Variants in PLCL1 observed in about 807,000 individuals in gnomAD.
PLCL1 encodes the protein phospholipase C like 1 (inactive), also known as inactive phospholipase C-like protein 1.
In PLCL1, 41 loss-of-function variants were observed where a neutral mutation model predicts 84.4. The observed-to-expected ratio is 0.49, with a 90% CI of 0.38 to 0.63. The LOEUF is 0.63. Ranked by LOEUF, PLCL1 falls within the 30% of genes least tolerant of loss-of-function variation. The pLI, the probability that PLCL1 is intolerant of heterozygous loss-of-function variation, is 0.00. For missense variants in PLCL1, 1,206 were observed against 1,367.8 expected, an observed-to-expected ratio of 0.88 and a Z score of 1.87; for synonymous variants, 490 against 488.3, an observed-to-expected ratio of 1.00 and a Z score of -0.05.
At chr2:198,057,452 G>T (rs1397110405) in intron 1 of PLCL1, among the ~76,000 whole-genome samples, 1 of 152,030 alleles carries the variant, frequency 6.6e-6, no homozygotes, top group Admixed American at 6.6e-5. Flanking sequence ...TTTAAGGCAG[G>T]TATTGTCATG....
At chr2:197,808,841 T>C (rs1690531516) in intron 1 of PLCL1, among the ~76,000 whole-genome samples, 1 of 152,204 alleles carries the variant, frequency 6.6e-6, no homozygotes, top group Non-Finnish European at 1.5e-5. Flanking sequence ...GGGTTCTACT[T>C]TTTTTCAACT....
intron 1 of PLCL1, among the ~76,000 whole-genome samples, chr2:198,017,592 A>G (rs1400935975): frequency 1.3e-5 from 2 of 152,236 alleles, no homozygotes; most frequent in Non-Finnish European, 2.9e-5. Flanking sequence ...CTAACATAGC[A>G]TAAAGATTTG....
chr2:198,037,673 T>C (rs1332656910), intron 1 of PLCL1, among the ~76,000 whole-genome samples: 4 of 152,204 alleles, frequency 2.6e-5, no homozygotes, highest in South Asian at 2.1e-4. Flanking sequence ...AAAGAGTCAA[T>C]TGAGATTTTT....
intron 1 of PLCL1, among the ~76,000 whole-genome samples, chr2:197,946,375 GT>G (rs1689270220): frequency 6.6e-6 from 1 of 152,122 alleles, no homozygotes; most frequent in Non-Finnish European, 1.5e-5. Context: ...ACAAGAGTAA[GT>G]TTAATTACCA....
At chr2:197,966,943 T>A (rs1574973458) in intron 1 of PLCL1, among the ~76,000 whole-genome samples, 1 of 147,522 alleles carries the variant, frequency 6.8e-6, no homozygotes, top group African/African-American at 2.5e-5. Context: ...CTCCGCCTCC[T>A]GGGTTCATGC....
chr2:198,045,971 A>G (rs1485043398), intron 1 of PLCL1, among the ~76,000 whole-genome samples: 1 of 152,164 alleles, frequency 6.6e-6, no homozygotes, highest in African/African-American at 2.4e-5. Flanking sequence ...GCAATCAAAA[A>G]CTGCTTGTTG....
chr2:198,123,465 G>A (rs922813050), intron 5 of PLCL1, among the ~76,000 whole-genome samples: 1 of 151,948 alleles, frequency 6.6e-6, no homozygotes, highest in Admixed American at 6.6e-5. Context: ...AATCCAATAT[G>A]ATGGGTGTCA....
At chr2:198,090,360 G>T (rs1269722641) in intron 3 of PLCL1, among the ~76,000 whole-genome samples, 1 of 151,202 alleles carries the variant, frequency 6.6e-6, no homozygotes. Flanking sequence ...ATATAAGAGT[G>T]AATTTTATTT....
At chr2:198,012,651 G>A (rs1376396778) in intron 1 of PLCL1, among the ~76,000 whole-genome samples, 1 of 150,960 alleles carries the variant, frequency 6.6e-6, no homozygotes, top group Admixed American at 6.6e-5. Flanking sequence ...TTGTCTTCGT[G>A]TTTCATTTTT....
chr2:197,842,506 G>T (rs939065153), intron 1 of PLCL1, among the ~76,000 whole-genome samples: 12 of 151,934 alleles, frequency 7.9e-5, no homozygotes, highest in Non-Finnish European at 1.8e-4. Context: ...TCTCTCAAAG[G>T]GTCATATAAT....
intron 5 of PLCL1, among the ~76,000 whole-genome samples, chr2:198,111,124 T>A (rs1265286654): frequency 6.6e-6 from 1 of 151,860 alleles, no homozygotes; most frequent in African/African-American, 2.4e-5. Context: ...TTGTATCAGT[T>A]GGGGTATGCT....
intron 5 of PLCL1, among the ~76,000 whole-genome samples, chr2:198,125,536 A>G (rs58779166): frequency 0.039 from 5,993 of 151,900 alleles, 382 homozygotes; most frequent in African/African-American, 0.14. Flanking sequence ...ACCAATTCCC[A>G]TTTTTTTTCA....
At chr2:198,048,607 G>T (rs1393496480) in intron 1 of PLCL1, among the ~76,000 whole-genome samples, 1 of 152,168 alleles carries the variant, frequency 6.6e-6, no homozygotes, top group Admixed American at 6.5e-5. Flanking sequence ...AACAGAGAGG[G>T]AGAAGGAGAG....
At chr2:197,925,138 A>G (rs983534252) in intron 1 of PLCL1, among the ~76,000 whole-genome samples, 7 of 152,206 alleles carry the variant, frequency 4.6e-5, no homozygotes, top group African/African-American at 1.7e-4. Flanking sequence ...CGGCTAGGAA[A>G]TTATCAACAC....
intron 1 of PLCL1, among the ~76,000 whole-genome samples, chr2:197,908,881 A>T (rs1364343124): frequency 6.6e-6 from 1 of 152,256 alleles, no homozygotes; most frequent in Non-Finnish European, 1.5e-5. Context: ...TGAATAAAAT[A>T]TTCTTATAAT....
At chr2:197,967,427 C>T (rs989586164) in intron 1 of PLCL1, among the ~76,000 whole-genome samples, 12 of 152,148 alleles carry the variant, frequency 7.9e-5, no homozygotes, top group Admixed American at 7.9e-4. Context: ...TTTCTGATCA[C>T]TTATTGATAA....
At chr2:197,989,175 T>G (rs1456142864) in intron 1 of PLCL1, among the ~76,000 whole-genome samples, 1 of 152,196 alleles carries the variant, frequency 6.6e-6, no homozygotes. Flanking sequence ...CTTATTACTA[T>G]TCATTCATTC....
In PLCL1 at chr2:197,805,303, A is replaced by G; in HGVS notation, c.204A>G (p.Ala68=). 3 of 1,305,328 alleles carry G rather than the reference A, an allele frequency of 2.3e-6. No homozygotes were observed. Among genetic ancestry groups the G allele is most frequent in the South Asian group, 2.3e-5 (1 of 42,938 alleles). The allele number at this position is 1,305,328 out of a possible 1,614,324, so 80.9% of individuals were successfully genotyped here. A position where few individuals can be genotyped will look rare whatever the true frequency, so the allele number is the denominator to read the frequency against. The change falls in exon 1 of 6, where the codon GCA becomes GCG. Residue 68 remains alanine (A), a synonymous_variant. Transcript: ENST00000428675. The surrounding 1 kb of genome is among the most constrained non-coding windows in gnomAD (Gnocchi z 4.0). The part of the protein sequence containing the change: ...PADSEAGLLE[A]ARATPRRSSI... ...ACAGCGAGGCGGGCCTCCTGGAGGC[A>G]GCACGGGCGACCCCCCGGCGCAGCA...
chr2:197,865,932 G>T (rs1687521034), intron 1 of PLCL1, among the ~76,000 whole-genome samples: 1 of 142,560 alleles, frequency 7.0e-6, no homozygotes, highest in South Asian at 2.3e-4. Flanking sequence ...AGCATAGCTT[G>T]AGAGAAGGTT....
Sources: allele counts gnomAD v4.1 joint callset (sites outside exome capture counted in the v4.1 genomes callset), GRCh38; gene constraint gnomAD v4.1.1; non-coding constraint Gnocchi (gnomAD v3.1); transcripts MANE v1.5; gene names NCBI Gene and HGNC (gene_info 2026-07-23, HGNC 2026-07-21).